MAJIN: variants seen among roughly 807,000 people sequenced by gnomAD.
The protein encoded by MAJIN is membrane anchored junction protein.
In MAJIN, 27 loss-of-function variants were observed where a neutral mutation model predicts 30.2. The ratio of observed to expected loss-of-function variants is 0.89; its 90% confidence interval spans 0.66 to 1.23. The LOEUF is 1.23. Among genes scored for constraint, MAJIN ranks in the 50% most tolerant of loss-of-function variants. The pLI is 0.00. For synonymous variants in MAJIN, 78 were observed against 91.6 expected (o/e 0.85, Z 0.85); for missense variants, 253 against 260.3 (o/e 0.97, Z 0.19).
chr11:64,960,755 T>C (rs909540890), intron 1 of MAJIN, among the ~76,000 whole-genome samples: 4 of 152,226 alleles, frequency 2.6e-5, no homozygotes, highest in Non-Finnish European at 4.4e-5. Context: ...GTAGAAACTC[T>C]TCCATGGTAG....
intron 1 of MAJIN, among the ~76,000 whole-genome samples, chr11:64,960,743 T>A (rs1357316262): frequency 6.6e-6 from 1 of 152,208 alleles, no homozygotes; most frequent in Non-Finnish European, 1.5e-5. Flanking sequence ...AAATTTTCTA[T>A]GGTAGAAACT....
At chr11:64,957,964 C>CAT (rs1945662302) in intron 3 of MAJIN, among the ~76,000 whole-genome samples, 1 of 150,264 alleles carries the variant, frequency 6.7e-6, no homozygotes, top group Non-Finnish European at 1.5e-5. Flanking sequence ...TTTTTTAAGA[C>CAT]AGAGTTTCAC....
intron 1 of MAJIN, among the ~76,000 whole-genome samples, chr11:64,961,172 G>GTTT (rs533022844): frequency 2.1e-5 from 3 of 143,440 alleles, no homozygotes; most frequent in Non-Finnish European, 3.1e-5. Context: ...TGTTTTTGTG[G>GTTT]TTTTTTTTTT....
At chr11:64,963,157 G>C (rs529782945) in intron 1 of MAJIN, among the ~76,000 whole-genome samples, 1 of 152,148 alleles carries the variant, frequency 6.6e-6, no homozygotes, top group South Asian at 2.1e-4. Context: ...GCAAATTCAA[G>C]AGAGCACTAC....
intron 9 of MAJIN, 109 bp from the exon 10 acceptor site, chr11:64,939,876 G>A: frequency 1.1e-6 from 1 of 875,626 alleles, no homozygotes; most frequent in South Asian, 1.7e-5. Context: ...CACGCCAAGA[G>A]TTCTTTAAAG....
intron 9 of MAJIN, 100 bp downstream of exon 9, chr11:64,940,474 G>T: frequency 2.4e-6 from 3 of 1,234,548 alleles, no homozygotes; most frequent in South Asian, 2.5e-5. Flanking sequence ...TACCCACTGA[G>T]GGCACCCAGA....
Position 64,941,062 on chromosome 11 carries a change from T to C in MAJIN, c.474-416A>G, listed in dbSNP as rs372628089. On this transcript the variant is annotated intron_variant, in intron 8 of 10. Coordinates refer to ENST00000301896, the MANE Select transcript of MAJIN (RefSeq NM_001037225.3). The stretch of plus-strand genomic sequence containing the variant: ...ACCGTGTTAGCCAGGATGGTCTCGA[T>C]CTCCTGACCTCATGATCTGCCTGCC... Among the ~76,000 whole-genome samples the C allele has an allele frequency of 2.6e-4, 39 of 152,030 alleles. 2 individuals are homozygous for C. In the South Asian group the frequency reaches 7.9e-3, roughly 31 times the overall value.
At chr11:64,960,629 A>G (rs1945707081) in intron 1 of MAJIN, among the ~76,000 whole-genome samples, 1 of 152,226 alleles carries the variant, frequency 6.6e-6, no homozygotes, top group African/African-American at 2.4e-5. Flanking sequence ...GACAATAAAC[A>G]TAAAATCACT....
At chr11:64,969,426 G>C (rs1301429443) in intron 1 of MAJIN, among the ~76,000 whole-genome samples, 2 of 147,772 alleles carry the variant, frequency 1.4e-5, no homozygotes, top group Non-Finnish European at 3.0e-5. Context: ...TCTGTTGTCA[G>C]AGCAATCAGA....
intron 1 of MAJIN, among the ~76,000 whole-genome samples, chr11:64,964,597 A>T (rs1485420442): frequency 2.8e-5 from 4 of 142,926 alleles, no homozygotes; most frequent in East Asian, 2.0e-4. Context: ...GCAAAATTTA[A>T]TTTTTTTTTT....
rs115976688 is a variant in MAJIN, at chr11:64,959,025, G to A, written c.101+280C>T. On this transcript the variant is annotated intron_variant, in intron 3 of 10. Transcript: ENST00000301896. The stretch of plus-strand genomic sequence containing the variant: ...AATCCCAACACTTGGGGAGGCAGAG[G>A]TGAGAGGACTGCTTGAGGACAGGGG... 3.5e-3 allele frequency among the ~76,000 whole-genome samples: 532 copies of A among 151,410 alleles called. 5 individuals are homozygous for A. Among genetic ancestry groups the A allele is most frequent in the African/African-American group, 0.012 (503 of 41,216 alleles).
chr11:64,940,552 A>G, intron 9 of MAJIN, 22 bp downstream of exon 9: 1 of 1,601,676 alleles, frequency 6.2e-7, no homozygotes, highest in South Asian at 1.1e-5. Flanking sequence ...AGGAGAATAA[A>G]TGGAAATTTC....
At chr11:64,967,590 TAGC>T (rs1444062974) in intron 1 of MAJIN, among the ~76,000 whole-genome samples, 2 of 151,942 alleles carry the variant, frequency 1.3e-5, no homozygotes, top group African/African-American at 2.4e-5. Flanking sequence ...GTAGAGGAAA[TAGC>T]AGGTACAAGA....
At chr11:64,965,192 T>C (rs990341130) in intron 1 of MAJIN, among the ~76,000 whole-genome samples, 2 of 152,230 alleles carry the variant, frequency 1.3e-5, no homozygotes, top group Non-Finnish European at 2.9e-5. Flanking sequence ...CTTCCTGCCC[T>C]TTCTGGTAAG....
intron 1 of MAJIN, among the ~76,000 whole-genome samples, chr11:64,961,398 C>G (rs931147006): frequency 1.3e-5 from 2 of 151,260 alleles, no homozygotes; most frequent in South Asian, 4.2e-4. Flanking sequence ...AAGTCCTGAC[C>G]TCAGGTGATC....
At chr11:64,950,517 T>C (rs1183628816) in intron 4 of MAJIN, 87 bp from the exon 5 acceptor site, 1 of 1,116,368 alleles carries the variant, frequency 9.0e-7, no homozygotes, top group South Asian at 1.4e-5. Flanking sequence ...ACATACCCTA[T>C]ACACTATCAA....
At chr11:64,950,952 G>C (rs1264437426) in intron 4 of MAJIN, among the ~76,000 whole-genome samples, 3 of 152,126 alleles carry the variant, frequency 2.0e-5, no homozygotes, top group Non-Finnish European at 4.4e-5. Flanking sequence ...CCACCCATCA[G>C]CACTTGTCCA....
intron 4 of MAJIN, among the ~76,000 whole-genome samples, chr11:64,952,920 G>T (rs962591183): frequency 6.6e-6 from 1 of 152,004 alleles, no homozygotes; most frequent in Non-Finnish European, 1.5e-5. Context: ...GGCCAGTCTG[G>T]TCTTAAACTC....
chr11:64,962,902 A>G (rs1250652266), intron 1 of MAJIN, among the ~76,000 whole-genome samples: 1 of 152,046 alleles, frequency 6.6e-6, no homozygotes, highest in Non-Finnish European at 1.5e-5. Context: ...TCAGGTGGGC[A>G]GACCACCCGA....
Sources: allele counts gnomAD v4.1 joint callset (sites outside exome capture counted in the v4.1 genomes callset), GRCh38; gene constraint gnomAD v4.1.1; transcripts MANE v1.5; gene names NCBI Gene and HGNC (gene_info 2026-07-23, HGNC 2026-07-21).